Variants in SEMA3A observed in about 807,000 individuals in gnomAD.
SEMA3A encodes the protein semaphorin 3A, also known as semaphorin-3A.
In SEMA3A, 29 loss-of-function variants were observed where a neutral mutation model predicts 97.9. That is an observed-to-expected ratio of 0.30 (90% CI 0.22 to 0.40). The LOEUF (loss-of-function observed/expected upper bound fraction) is 0.40, where lower values mean the gene tolerates loss of function less well. Among genes scored for constraint, SEMA3A ranks in the 10% least tolerant of loss-of-function variants. SEMA3A has a pLI of 1.00. For synonymous variants in SEMA3A, 321 were observed against 323.7 expected (o/e 0.99, Z 0.09); for missense variants, 763 against 951.3 (o/e 0.80, Z 2.60).
chr7:84,484,545 TCACACA>T (rs10573589), intron 1 of SEMA3A, among the ~76,000 whole-genome samples: 84 of 149,418 alleles, frequency 5.6e-4, no homozygotes, highest in Middle Eastern at 3.5e-3. Context: ...TTGTTCACTT[TCACACA>T]CACACACACA....
At chr7:84,054,953 G>C (rs181221530) in intron 5 of SEMA3A, among the ~76,000 whole-genome samples, 2 of 151,030 alleles carry the variant, frequency 1.3e-5, no homozygotes, top group Non-Finnish European at 3.0e-5. Flanking sequence ...GTCTGTTGGA[G>C]TACCCTGCCA....
intron 5 of SEMA3A, among the ~76,000 whole-genome samples, chr7:84,052,031 T>G (rs1223305901): frequency 6.6e-6 from 1 of 152,082 alleles, no homozygotes; most frequent in African/African-American, 2.4e-5. Flanking sequence ...TTGCGTATAT[T>G]GAACCAGCCT....
At chr7:84,478,704 A>G (rs371587790) in intron 1 of SEMA3A, among the ~76,000 whole-genome samples, 3 of 151,982 alleles carry the variant, frequency 2.0e-5, no homozygotes, top group South Asian at 2.1e-4. Context: ...CTAAAGTGTT[A>G]TGTTTAAAGA....
chr7:84,229,837 T>C (rs1037597017), intron 3 of SEMA3A, among the ~76,000 whole-genome samples: 2 of 151,968 alleles, frequency 1.3e-5, no homozygotes, highest in African/African-American at 4.8e-5. Context: ...CCTGACCTTA[T>C]GGAAAGAAAA....
At chr7:84,042,214 G>C (rs1792158871) in intron 6 of SEMA3A, among the ~76,000 whole-genome samples, 1 of 152,086 alleles carries the variant, frequency 6.6e-6, no homozygotes, top group Admixed American at 6.6e-5. Context: ...GGCCATCAGG[G>C]TATGAATATT....
At chr7:84,094,471 G>A (rs776165012) in intron 4 of SEMA3A, among the ~76,000 whole-genome samples, 25 of 151,814 alleles carry the variant, frequency 1.6e-4, no homozygotes, top group Non-Finnish European at 2.6e-4. Flanking sequence ...TTAAGGCTCC[G>A]CTGGCATTAT....
chr7:84,324,629 T>A (rs971263967), intron 2 of SEMA3A, among the ~76,000 whole-genome samples: 1 of 152,180 alleles, frequency 6.6e-6, no homozygotes, highest in Non-Finnish European at 1.5e-5. Flanking sequence ...AAATATGTAA[T>A]TTTTTTAACT....
intron 3 of SEMA3A, among the ~76,000 whole-genome samples, chr7:84,220,743 G>A (rs1798857579): frequency 6.6e-6 from 1 of 152,112 alleles, no homozygotes; most frequent in Non-Finnish European, 1.5e-5. Context: ...TCAACAAAGA[G>A]CTTAAAATAT....
intron 1 of SEMA3A, among the ~76,000 whole-genome samples, chr7:84,477,074 AT>A (rs1264867132): frequency 0.033 from 2,143 of 64,046 alleles, 33 homozygotes; most frequent in Admixed American, 0.12. Context: ...AAAAAAAAAA[AT>A]ATATATATAT....
intron 4 of SEMA3A, among the ~76,000 whole-genome samples, chr7:84,066,302 A>G (rs1258843694): frequency 2.6e-5 from 4 of 152,074 alleles, no homozygotes; most frequent in African/African-American, 9.7e-5. Context: ...TGACAAACCC[A>G]CATCCAATAT....
chr7:84,425,525 C>A, intron 1 of SEMA3A, among the ~76,000 whole-genome samples: 1 of 139,730 alleles, frequency 7.2e-6, no homozygotes, highest in South Asian at 2.2e-4. Context: ...TGAATATAAG[C>A]ATAAACGTAT....
intron 12 of SEMA3A, among the ~76,000 whole-genome samples, chr7:83,988,425 C>A (rs1167810553): frequency 2.0e-5 from 3 of 151,986 alleles, no homozygotes; most frequent in Non-Finnish European, 4.4e-5. Flanking sequence ...GATGGGGTTT[C>A]ACCATGTGTT....
chr7:84,000,567 C>T (rs546048150), intron 12 of SEMA3A, among the ~76,000 whole-genome samples: 2 of 152,166 alleles, frequency 1.3e-5, no homozygotes, highest in Admixed American at 6.5e-5. Context: ...GTTTCTAATT[C>T]TTCCATTATC....
At chr7:84,037,829 T>C (rs1039088425) in intron 6 of SEMA3A, among the ~76,000 whole-genome samples, 2 of 152,020 alleles carry the variant, frequency 1.3e-5, no homozygotes, top group African/African-American at 4.8e-5. Flanking sequence ...TATATGATAA[T>C]AAGAAAGTAC....
chr7:84,266,842 T>C (rs1800018112), intron 3 of SEMA3A, among the ~76,000 whole-genome samples: 2 of 152,186 alleles, frequency 1.3e-5, no homozygotes, highest in Non-Finnish European at 2.9e-5. Context: ...TAATCATTGG[T>C]GTGTCTATCA....
chr7:84,253,429 C>T (rs1799652543), intron 3 of SEMA3A, among the ~76,000 whole-genome samples: 1 of 151,228 alleles, frequency 6.6e-6, no homozygotes, highest in South Asian at 2.1e-4. Context: ...CAGTTACTTG[C>T]TATTTGCAAC....
intron 15 of SEMA3A, among the ~76,000 whole-genome samples, chr7:83,968,432 C>G (rs1728721320): frequency 6.6e-6 from 1 of 152,088 alleles, no homozygotes; most frequent in African/African-American, 2.4e-5. Context: ...TCTATGTTTA[C>G]TTTTGGAAAA....
chr7:84,487,384 C>T (rs1806602289), intron 1 of SEMA3A, among the ~76,000 whole-genome samples: 1 of 151,914 alleles, frequency 6.6e-6, no homozygotes, highest in Admixed American at 6.6e-5. Flanking sequence ...CTCAGACTAC[C>T]CAGATCTGGG....
intron 2 of SEMA3A, among the ~76,000 whole-genome samples, chr7:84,309,891 G>T (rs1340137741): frequency 6.6e-6 from 1 of 152,042 alleles, no homozygotes; most frequent in Non-Finnish European, 1.5e-5. Context: ...GTGAGAGAAG[G>T]GTGATGAGAG....
Sources: allele counts gnomAD v4.1 joint callset (sites outside exome capture counted in the v4.1 genomes callset), GRCh38; gene constraint gnomAD v4.1.1; transcripts MANE v1.5; gene names NCBI Gene and HGNC (gene_info 2026-07-23, HGNC 2026-07-21).